Variants in ASPRV1 observed in about 807,000 individuals in gnomAD.
ASPRV1 encodes the protein retroviral-like aspartic protease 1.
Under a neutral mutation model 11.0 loss-of-function variants are expected in ASPRV1, and 7 were observed. The ratio of observed to expected loss-of-function variants is 0.64; its 90% CI spans 0.36 to 1.20. ASPRV1 has a LOEUF of 1.20. ASPRV1 is among the 50% of genes most tolerant of loss of function. The pLI is 0.02. For missense variants in ASPRV1, 299 were observed against 320.0 expected (o/e 0.93, Z 0.50); for synonymous variants, 136 against 138.4 (o/e 0.98, Z 0.12).
At chr2:69,996,817 G>T in the ASPRV1 span, 1 of 440,822 alleles carries the variant, frequency 2.3e-6, no homozygotes, top group African/African-American at 2.0e-5. Context: ...TCCCTAACCG[G>T]AGGTGCTGTC....
the ASPRV1 span, among the ~76,000 whole-genome samples, chr2:69,986,185 T>C: frequency 6.6e-6 from 1 of 152,092 alleles, no homozygotes. Flanking sequence ...CTAATATGAA[T>C]CCCAATCAAA....
At chr2:69,943,795 A>G in the ASPRV1 span, among the ~76,000 whole-genome samples, 2,377 of 152,264 alleles carry the variant, frequency 0.016, 51 homozygotes, top group African/African-American at 0.054. Context: ...CATCATGGCA[A>G]GTTCGCCAAG....
chr2:70,007,058 GC>G, the ASPRV1 span, among the ~76,000 whole-genome samples: 1 of 152,176 alleles, frequency 6.6e-6, no homozygotes, highest in Non-Finnish European at 1.5e-5. Flanking sequence ...TATCTCTTGG[GC>G]TGCTACAAAG....
the ASPRV1 span, among the ~76,000 whole-genome samples, chr2:70,066,605 AT>A: frequency 6.8e-5 from 10 of 147,852 alleles, no homozygotes; most frequent in Admixed American, 1.4e-4. Flanking sequence ...ATTTTACTTT[AT>A]TTTTTTTTTG....
the ASPRV1 span, among the ~76,000 whole-genome samples, chr2:70,054,853 CAA>C: frequency 6.6e-6 from 1 of 151,780 alleles, no homozygotes; most frequent in Non-Finnish European, 1.5e-5. Context: ...ATTCACAAGA[CAA>C]AAAAGAGTCT....
the ASPRV1 span, chr2:69,994,189 CTCTGCT>C: frequency 6.6e-6 from 1 of 152,288 alleles, no homozygotes; most frequent in Non-Finnish European, 1.5e-5. Context: ...CCAGGGCTTG[CTCTGCT>C]TCTATTTGTT....
chr2:70,060,214 A>T, the ASPRV1 span: 1 of 151,650 alleles, frequency 6.6e-6, no homozygotes, highest in African/African-American at 2.4e-5. Flanking sequence ...GGTGGCGCAC[A>T]TCTGTAATTC....
chr2:69,933,091 C>T, the ASPRV1 span, among the ~76,000 whole-genome samples: 1 of 148,740 alleles, frequency 6.7e-6, no homozygotes, highest in African/African-American at 2.5e-5. Flanking sequence ...CCCAGATACT[C>T]AGGAGGCTGA....
chr2:69,994,892 C>T, the ASPRV1 span, among the ~76,000 whole-genome samples: 1 of 151,744 alleles, frequency 6.6e-6, no homozygotes, highest in African/African-American at 2.4e-5. Context: ...GTCCCAGCTA[C>T]TCAGGAGGCT....
the ASPRV1 span, among the ~76,000 whole-genome samples, chr2:70,039,197 G>A: frequency 1.8e-3 from 267 of 152,150 alleles, no homozygotes; most frequent in Non-Finnish European, 1.7e-3. Context: ...TAGAATTCAA[G>A]TTGCTTACTT....
the ASPRV1 span, among the ~76,000 whole-genome samples, chr2:69,950,844 A>AAAATAAATAAATAAATAAAT: frequency 7.3e-6 from 1 of 136,982 alleles, no homozygotes; most frequent in Admixed American, 7.3e-5. Flanking sequence ...CTCTGTCTCA[A>AAAATAAATAAATAAATAAAT]AAATAAATAA....
the ASPRV1 span, among the ~76,000 whole-genome samples, chr2:70,054,773 C>A: frequency 6.6e-6 from 1 of 151,792 alleles, no homozygotes; most frequent in African/African-American, 2.4e-5. Flanking sequence ...TGGTTCCATT[C>A]CTAGTAGAGG....
In ASPRV1 at chr2:69,961,590, G is replaced by A. The variant is rs760491728; in HGVS notation, c.-154C>T. 9.3e-6 allele frequency: 15 copies of A among 1,612,884 alleles called. No homozygotes were observed. The highest frequency in any genetic ancestry group is 1.7e-5 in the Admixed American group (1 of 59,970). On this transcript the variant is annotated 5_prime_UTR_variant, in exon 1 of 1. Transcript: ENST00000320256. ...TGGGCAAGCAGGAGGGAGCAGGCGC[G>A]GTCGGCTGGCTGACTGCTGGGGCAG...
At chr2:69,990,134 C>T in the ASPRV1 span, among the ~76,000 whole-genome samples, 1 of 152,186 alleles carries the variant, frequency 6.6e-6, no homozygotes, top group East Asian at 1.9e-4. Flanking sequence ...AGGGCTTGAA[C>T]CCCGGTGCCT....
chr2:70,078,041 C>G, the ASPRV1 span, among the ~76,000 whole-genome samples: 2 of 151,930 alleles, frequency 1.3e-5, no homozygotes, highest in African/African-American at 4.8e-5. Flanking sequence ...GTGGCACACG[C>G]CTGTAATCCC....
the ASPRV1 span, among the ~76,000 whole-genome samples, chr2:69,995,021 T>A: frequency 0.41 from 60,305 of 148,602 alleles, 12,936 homozygotes; most frequent in African/African-American, 0.55. Flanking sequence ...ATAAATAAAT[T>A]AATTAATTAA....
At chr2:70,031,359 T>A in the ASPRV1 span, 2 of 152,066 alleles carry the variant, frequency 1.3e-5, no homozygotes, top group Non-Finnish European at 2.9e-5. Flanking sequence ...TGGCTGCAGG[T>A]GGCAAAATTC....
chr2:69,933,406 C>T, the ASPRV1 span, among the ~76,000 whole-genome samples: 5 of 152,054 alleles, frequency 3.3e-5, no homozygotes, highest in Admixed American at 3.3e-4. Context: ...TTCCCTGGTC[C>T]CCACCACATG....
chr2:70,024,546 G>A, the ASPRV1 span, among the ~76,000 whole-genome samples: 1 of 152,138 alleles, frequency 6.6e-6, no homozygotes, highest in Non-Finnish European at 1.5e-5. Flanking sequence ...CAGCACCCCT[G>A]TCAATCTGGC....
Sources: allele counts gnomAD v4.1 joint callset (sites outside exome capture counted in the v4.1 genomes callset), GRCh38; gene constraint gnomAD v4.1.1; transcripts MANE v1.5; gene names NCBI Gene and HGNC (gene_info 2026-07-23, HGNC 2026-07-21).